Variants in COL25A1 observed in about 807,000 individuals in gnomAD.
COL25A1 encodes the protein collagen alpha-1(XXV) chain.
In COL25A1, 103 loss-of-function variants were observed where a neutral mutation model predicts 128.4. The observed-to-expected ratio is 0.80, with a 90% CI of 0.68 to 0.94. The LOEUF (loss-of-function observed/expected upper bound fraction) is 0.94. Among genes scored for constraint, COL25A1 ranks in the 40% least tolerant of loss-of-function variants. The pLI, the probability that COL25A1 is intolerant of heterozygous loss-of-function variation, is 0.00. For synonymous variants in COL25A1, 279 were observed against 277.2 expected (o/e 1.01, Z -0.06); for missense variants, 745 against 840.0 (o/e 0.89, Z 1.40).
chr4:109,295,798 A>T (rs868592436), intron 3 of COL25A1, among the ~76,000 whole-genome samples: 36 of 152,092 alleles, frequency 2.4e-4, no homozygotes, highest in African/African-American at 8.4e-4. Flanking sequence ...GCATTTATGA[A>T]TCTTGCTTGC....
chr4:108,929,713 C>T (rs1265372033), intron 11 of COL25A1, among the ~76,000 whole-genome samples: 2 of 151,964 alleles, frequency 1.3e-5, no homozygotes, highest in Non-Finnish European at 2.9e-5. Context: ...TTAGTCCTAG[C>T]AACTTGGGAG....
intron 19 of COL25A1, among the ~76,000 whole-genome samples, chr4:108,879,160 A>G (rs1424728384): frequency 6.6e-6 from 1 of 152,216 alleles, no homozygotes; most frequent in East Asian, 1.9e-4. Context: ...TAGTCTTTAT[A>G]TAATTTAGTG....
rs569504655 is a variant in COL25A1, at chr4:108,930,514, A to G, written c.708+7294T>C. Among the ~76,000 whole-genome samples, 25 of 152,346 alleles carry G rather than the reference A, an allele frequency of 1.6e-4. No homozygotes were observed. In the East Asian group the frequency reaches 4.6e-3, roughly 28 times the overall value. ...GTGCACCACAACAAATTGGAAGAGA[A>G]GGCAAAGAGGTGGGTATTTTGAGGG... is the stretch of plus-strand genomic sequence containing the variant. On this transcript the variant is annotated intron_variant, in intron 11 of 37. Coordinates refer to ENST00000399132, the MANE Select transcript of COL25A1 (RefSeq NM_198721.4).
intron 4 of COL25A1, 83 bp from the exon 5 acceptor site, chr4:109,048,258 A>C: frequency 7.6e-7 from 1 of 1,313,792 alleles, no homozygotes; most frequent in Non-Finnish European, 1.1e-6. Context: ...AAAAGATATG[A>C]GCATAATCAT....
chr4:109,108,102 C>T (rs1407774315), intron 3 of COL25A1, among the ~76,000 whole-genome samples: 1 of 152,146 alleles, frequency 6.6e-6, no homozygotes, highest in African/African-American at 2.4e-5. Flanking sequence ...CATATGTATA[C>T]ATGTGCCATG....
intron 3 of COL25A1, 100 bp downstream of exon 3, chr4:109,300,483 C>T (rs1028217842): frequency 1.3e-6 from 1 of 784,368 alleles, no homozygotes; most frequent in Admixed American, 2.3e-5. Flanking sequence ...GGTCTGCATT[C>T]TTTCTTTACT....
chr4:108,980,562 CT>C (rs1484918262), intron 6 of COL25A1, among the ~76,000 whole-genome samples: 1 of 152,138 alleles, frequency 6.6e-6, no homozygotes, highest in Non-Finnish European at 1.5e-5. Context: ...GTCGGCTGGC[CT>C]AATTGGAAAT....
At position 108,810,203 on chromosome 4, in the gene COL25A1, C is replaced by A. The variant is rs1322249002; in HGVS notation, c.*3724G>T. 1 of 150,500 alleles carries A rather than the reference C, an allele frequency of 6.6e-6. No homozygotes were observed. The highest frequency in any genetic ancestry group is 2.4e-5 in the African/African-American group (1 of 40,970). 9.3% of individuals were successfully genotyped at this position (150,500 alleles called of 1,614,324 possible). ...TCAATAGTAACATTAAAAAAAAAAACCCTTGGAAATTAAGCACATTTCCTA... is the reference window on the plus strand; with the variant it reads ...TCAATAGTAACATTAAAAAAAAAAAACCTTGGAAATTAAGCACATTTCCTA... On this transcript the variant is annotated 3_prime_UTR_variant, in exon 38 of 38. Transcript: ENST00000399132.
intron 11 of COL25A1, among the ~76,000 whole-genome samples, chr4:108,926,273 G>A (rs79716135): frequency 0.016 from 2,506 of 152,242 alleles, 21 homozygotes; most frequent in Admixed American, 0.024. Flanking sequence ...CACAGTTCCT[G>A]TTCTGTCCCT....
intron 21 of COL25A1, 114 bp downstream of exon 21, chr4:108,863,205 A>C: frequency 1.0e-6 from 1 of 956,102 alleles, no homozygotes; most frequent in Non-Finnish European, 1.6e-6. Flanking sequence ...ATTTCAACAA[A>C]CTATTTGTGA....
chr4:108,815,514 T>G (rs1731163092), intron 37 of COL25A1, among the ~76,000 whole-genome samples: 1 of 152,106 alleles, frequency 6.6e-6, no homozygotes, highest in Non-Finnish European at 1.5e-5. Context: ...TGATTTGCAT[T>G]TGTGTGTGTT....
chr4:108,839,555 G>A (rs1413670022), intron 31 of COL25A1, among the ~76,000 whole-genome samples: 2 of 152,156 alleles, frequency 1.3e-5, no homozygotes, highest in African/African-American at 4.8e-5. Context: ...TCAGCACGTG[G>A]TCTTGAGGTA....
intron 31 of COL25A1, chr4:108,838,283 A>G (rs1425650099): frequency 1.3e-6 from 1 of 763,238 alleles, no homozygotes; most frequent in Non-Finnish European, 2.2e-6. Context: ...GTTTTAGGAA[A>G]CAGCAGAGTC....
intron 3 of COL25A1, among the ~76,000 whole-genome samples, chr4:109,109,166 A>G (rs1219279961): frequency 2.0e-5 from 3 of 151,958 alleles, no homozygotes; most frequent in Non-Finnish European, 2.9e-5. Flanking sequence ...TCTCCTCACC[A>G]CAACCTCCTC....
intron 3 of COL25A1, among the ~76,000 whole-genome samples, chr4:109,153,457 C>T (rs1771719081): frequency 6.6e-6 from 1 of 151,786 alleles, no homozygotes; most frequent in Non-Finnish European, 1.5e-5. Context: ...AGAGTAACAG[C>T]ACTTGCACAG....
chr4:109,255,764 A>G lies in COL25A1; in HGVS notation c.367+44819T>C, dbSNP rs539549813. ...AACGCTTAGTAATTTCATAATATTG[A>G]TGCTTTCTGACAATCTCATCTATAT... On this transcript the variant is annotated intron_variant, in intron 3 of 37. Coordinates refer to ENST00000399132, the MANE Select transcript of COL25A1 (RefSeq NM_198721.4). Among the ~76,000 whole-genome samples the G allele has an allele frequency of 1.6e-4, 24 of 152,332 alleles. 1 individual carries two copies. The highest frequency in any genetic ancestry group is 5.8e-4 in the African/African-American group (24 of 41,576).
At chr4:109,052,020 C>T (rs1761047132) in intron 3 of COL25A1, among the ~76,000 whole-genome samples, 1 of 152,126 alleles carries the variant, frequency 6.6e-6, no homozygotes, top group East Asian at 1.9e-4. Flanking sequence ...GCCAGAAAGG[C>T]CCAGCCCTGA....
chr4:108,953,780 A>C (rs1442223459), intron 8 of COL25A1, among the ~76,000 whole-genome samples: 1 of 152,170 alleles, frequency 6.6e-6, no homozygotes, highest in East Asian at 1.9e-4. Context: ...TTATATTCCA[A>C]ATGAAAATAC....
At chr4:109,126,656 A>C (rs1458439096) in intron 3 of COL25A1, among the ~76,000 whole-genome samples, 1 of 152,198 alleles carries the variant, frequency 6.6e-6, no homozygotes. Flanking sequence ...ATAACCTGAT[A>C]ATTTTCATTT....
Sources: gnomAD v4.1 joint callset for allele counts (sites outside exome capture counted in the v4.1 genomes callset) on GRCh38, gnomAD v4.1.1 for gene constraint, MANE v1.5 for transcripts, NCBI Gene and HGNC (gene_info 2026-07-23, HGNC 2026-07-21) for gene names.